Variants in ATP8A1 observed in about 807,000 individuals in gnomAD.
ATP8A1 encodes the protein phospholipid-transporting ATPase IA.
A neutral mutation model predicts 177.7 loss-of-function variants in ATP8A1; 90 were observed. The observed-to-expected ratio is 0.51, with a 90% CI of 0.43 to 0.60. ATP8A1 has a LOEUF of 0.60. ATP8A1 is among the 20% of genes least tolerant of loss of function. The pLI is 0.00. For synonymous variants in ATP8A1, 493 were observed against 485.9 expected (o/e 1.01, Z -0.19); for missense variants, 1,072 against 1,392.8 (o/e 0.77, Z 3.67).
At chr4:42,598,322 T>G (rs1734918816) in intron 6 of ATP8A1, among the ~76,000 whole-genome samples, 1 of 152,160 alleles carries the variant, frequency 6.6e-6, no homozygotes, top group Non-Finnish European at 1.5e-5. Flanking sequence ...TTTCAAATAT[T>G]AAACAGGCCT....
intron 13 of ATP8A1, 39 bp from the exon 14 acceptor site, chr4:42,574,746 T>G (rs1046239817): frequency 2.1e-6 from 3 of 1,410,186 alleles, no homozygotes; most frequent in Non-Finnish European, 2.9e-6. Context: ...ATTTTGAAAG[T>G]CTTTATGCCA....
chr4:42,479,790 G>A (rs2153187783), intron 25 of ATP8A1, among the ~76,000 whole-genome samples: 1 of 152,284 alleles, frequency 6.6e-6, no homozygotes, highest in South Asian at 2.1e-4. Context: ...AAGAGGGATG[G>A]TGATGGAAAT....
intron 25 of ATP8A1, among the ~76,000 whole-genome samples, chr4:42,483,466 C>T (rs1038122830): frequency 2.5e-4 from 38 of 151,772 alleles, no homozygotes; most frequent in Admixed American, 1.7e-3. Flanking sequence ...AAAACAGAAC[C>T]GAGGGAGGAA....
At chr4:42,615,969 A>C in intron 5 of ATP8A1, 64 bp downstream of exon 5, 1 of 1,392,042 alleles carries the variant, frequency 7.2e-7, no homozygotes, top group South Asian at 1.3e-5. Flanking sequence ...TATGTAATTG[A>C]AGTGTTTGTA....
At chr4:42,655,645 TAC>T (rs965409916) in intron 1 of ATP8A1, among the ~76,000 whole-genome samples, 3 of 152,260 alleles carry the variant, frequency 2.0e-5, no homozygotes, top group African/African-American at 7.2e-5. Flanking sequence ...TCCTATGTAG[TAC>T]ACAGGCCAGT....
chr4:42,624,289 TTACAG>T (rs1376840870), intron 4 of ATP8A1, among the ~76,000 whole-genome samples: 1 of 152,098 alleles, frequency 6.6e-6, no homozygotes, highest in Non-Finnish European at 1.5e-5. Context: ...AAGCCAATTA[TTACAG>T]TAAATTAATT....
Position 42,523,222 on chromosome 4 carries a change from C to A in ATP8A1, c.1808-923G>T, listed in dbSNP as rs529948220. 2.6e-5 allele frequency among the ~76,000 whole-genome samples: 4 copies of A among 152,294 alleles called. No individual in the cohort carries two copies. In the East Asian group the frequency reaches 5.8e-4, roughly 22 times the overall value. ...TGCCTGCCAATTTCGTAACTCACAT[C>A]TCTCTCAGCCAGAAAAGAGTAGATG... On this transcript the variant is annotated intron_variant, in intron 21 of 36. Transcript: ENST00000381668.
chr4:42,533,663 T>C (rs762749175), intron 20 of ATP8A1, among the ~76,000 whole-genome samples: 1 of 152,140 alleles, frequency 6.6e-6, no homozygotes, highest in African/African-American at 2.4e-5. Flanking sequence ...CCCTATACTA[T>C]AGCAGCTGAT....
At chr4:42,653,170 C>A (rs1040442172) in intron 1 of ATP8A1, among the ~76,000 whole-genome samples, 2 of 152,206 alleles carry the variant, frequency 1.3e-5, no homozygotes, top group Non-Finnish European at 2.9e-5. Flanking sequence ...TCCCCCAGAT[C>A]CCCACCAGGC....
intron 24 of ATP8A1, among the ~76,000 whole-genome samples, chr4:42,497,047 GA>G (rs1723350016): frequency 1.3e-5 from 2 of 152,200 alleles, no homozygotes; most frequent in South Asian, 4.1e-4. Flanking sequence ...GAATGAAAAT[GA>G]AACAAGTTAA....
chr4:42,510,075 C>T (rs2153195159), intron 22 of ATP8A1, among the ~76,000 whole-genome samples: 1 of 152,174 alleles, frequency 6.6e-6, no homozygotes, highest in Middle Eastern at 3.4e-3. Flanking sequence ...AGTATGTTTG[C>T]TAAGTGAGCT....
chr4:42,645,001 C>A (rs1032271384), intron 1 of ATP8A1, among the ~76,000 whole-genome samples: 1 of 151,520 alleles, frequency 6.6e-6, no homozygotes, highest in Non-Finnish European at 1.5e-5. Context: ...CTGAATAAAG[C>A]AACTAATTAC....
At chr4:42,548,170 G>A (rs1428464982) in intron 19 of ATP8A1, among the ~76,000 whole-genome samples, 47 of 152,144 alleles carry the variant, frequency 3.1e-4, no homozygotes, top group Non-Finnish European at 1.5e-5. Flanking sequence ...CTAACAGATG[G>A]TAACTGGTCT....
chr4:42,472,716 C>T (rs1207476776), intron 25 of ATP8A1, among the ~76,000 whole-genome samples: 2 of 144,268 alleles, frequency 1.4e-5, no homozygotes, highest in Admixed American at 7.1e-5. Flanking sequence ...CGCCATCGCA[C>T]TCCAGCTCAG....
At chr4:42,421,677 C>T (rs1414024330) in intron 35 of ATP8A1, among the ~76,000 whole-genome samples, 1 of 152,134 alleles carries the variant, frequency 6.6e-6, no homozygotes. Flanking sequence ...GCCAAGGTCT[C>T]ACTGAGTTCT....
chr4:42,589,919 G>A (rs1733990792), intron 7 of ATP8A1, among the ~76,000 whole-genome samples: 2 of 151,756 alleles, frequency 1.3e-5, no homozygotes, highest in South Asian at 4.2e-4. Flanking sequence ...AAGTTCAAAT[G>A]GCTAAGTTCT....
intron 6 of ATP8A1, among the ~76,000 whole-genome samples, chr4:42,599,643 G>A (rs2109395040): frequency 6.6e-6 from 1 of 152,268 alleles, no homozygotes; most frequent in East Asian, 1.9e-4. Flanking sequence ...AGAATCAAGG[G>A]CATGGACTTC....
rs554999197 is a variant in ATP8A1 at position 42,471,971 on chromosome 4, T to C, written c.2325-6895A>G. 5.7e-5 allele frequency: 40 copies of C among 703,240 alleles called. 1 individual carries two copies. The East Asian group carries it at 1.0e-3, about 18-fold the overall frequency. 43.6% of individuals were successfully genotyped at this position (703,240 alleles called of 1,614,324 possible). A position where few individuals can be genotyped will look rare whatever the true frequency, so the allele number is the denominator to read the frequency against. Reference sequence around the variant, plus strand: ...ACAGCAGCCAAAGAGCCTAAGTTGGTGGTGTCCAGAAAGCTATCATAATCT... The same window carrying C: ...ACAGCAGCCAAAGAGCCTAAGTTGGCGGTGTCCAGAAAGCTATCATAATCT... On this transcript the variant is annotated intron_variant, in intron 25 of 36. Transcript: ENST00000381668.
intron 12 of ATP8A1, among the ~76,000 whole-genome samples, chr4:42,576,956 A>C (rs1215859183): frequency 1.3e-5 from 2 of 152,234 alleles, no homozygotes; most frequent in Non-Finnish European, 2.9e-5. Flanking sequence ...GCATTTTCTT[A>C]ATAGATCCAT....
Sources: allele counts gnomAD v4.1 joint callset (sites outside exome capture counted in the v4.1 genomes callset), GRCh38; gene constraint gnomAD v4.1.1; transcripts MANE v1.5; gene names NCBI Gene and HGNC (gene_info 2026-07-23, HGNC 2026-07-21).